Variants in DIXDC1 observed in about 807,000 individuals in gnomAD.
DIXDC1 encodes DIX domain containing 1.
A neutral mutation model predicts 103.1 loss-of-function variants in DIXDC1; 64 were observed. The ratio of observed to expected loss-of-function variants is 0.62; its 90% confidence interval spans 0.51 to 0.76. The LOEUF (loss-of-function observed/expected upper bound fraction) is 0.76, where lower values mean the gene tolerates loss of function less well. Ranked by LOEUF, DIXDC1 falls within the 30% of genes least tolerant of loss-of-function variation. The pLI is 0.00. For missense variants in DIXDC1, 759 were observed against 834.2 expected (o/e 0.91, Z 1.11); for synonymous variants, 266 against 298.5 (o/e 0.89, Z 1.12).
chr11:111,993,871 C>A, intron 14 of DIXDC1, 131 bp downstream of exon 14: 1 of 1,017,204 alleles, frequency 9.8e-7, no homozygotes, highest in Non-Finnish European at 1.4e-6. Flanking sequence ...GTTAAAAGTG[C>A]AGGTTCCAGA....
At chr11:111,957,092 G>A (rs1859411878) in intron 1 of DIXDC1, among the ~76,000 whole-genome samples, 1 of 152,092 alleles carries the variant, frequency 6.6e-6, no homozygotes, top group Non-Finnish European at 1.5e-5. Flanking sequence ...AGGATTGCTT[G>A]AGCCCAGGAA....
At chr11:111,959,104 C>T (rs1555170819) in intron 1 of DIXDC1, among the ~76,000 whole-genome samples, 1 of 152,232 alleles carries the variant, frequency 6.6e-6, no homozygotes, top group Non-Finnish European at 1.5e-5. Context: ...ATACCTCATT[C>T]TTCCTGGATG....
At chr11:112,014,539 C>T (rs1054894431) in intron 17 of DIXDC1, among the ~76,000 whole-genome samples, 26 of 152,294 alleles carry the variant, frequency 1.7e-4, no homozygotes, top group Non-Finnish European at 2.6e-4. Flanking sequence ...CAACCATGGG[C>T]CCTTCCTGAC....
At chr11:112,001,726 CT>C (rs1861070433) in intron 17 of DIXDC1, among the ~76,000 whole-genome samples, 1 of 150,924 alleles carries the variant, frequency 6.6e-6, no homozygotes, top group South Asian at 2.1e-4. Context: ...GATGGGGCCA[CT>C]ATACAACAGA....
intron 12 of DIXDC1, 125 bp downstream of exon 12, chr11:111,993,129 T>A: frequency 1.8e-6 from 2 of 1,110,558 alleles, no homozygotes; most frequent in South Asian, 3.2e-5. Context: ...ATCCTTGCTT[T>A]TTAGAAGGAA....
chr11:111,956,066 A>G (rs782387988), intron 1 of DIXDC1, among the ~76,000 whole-genome samples: 4 of 151,950 alleles, frequency 2.6e-5, no homozygotes, highest in Non-Finnish European at 4.4e-5. Context: ...AAATCTTGTC[A>G]CATGCTACAA....
intron 17 of DIXDC1, among the ~76,000 whole-genome samples, chr11:112,013,855 C>T (rs1000301884): frequency 3.9e-5 from 6 of 152,212 alleles, no homozygotes; most frequent in Middle Eastern, 3.4e-3. Context: ...GCTCACAATT[C>T]GGCTGGCTGG....
intron 1 of DIXDC1, among the ~76,000 whole-genome samples, chr11:111,940,426 C>T (rs1966380433): frequency 6.6e-6 from 1 of 152,176 alleles, no homozygotes; most frequent in South Asian, 2.1e-4. Context: ...ATCACAATCT[C>T]CCCAATCTGC....
At chr11:111,937,681 C>A in intron 1 of DIXDC1, 122 bp downstream of exon 1, 1 of 992,672 alleles carries the variant, frequency 1.0e-6, no homozygotes, top group Non-Finnish European at 1.5e-6. Context: ...GCCCCCAGAA[C>A]CCCAAAGGGG....
upstream of DIXDC1, chr11:111,937,136 G>GGGC (rs1966224263): frequency 1.4e-6 from 1 of 730,662 alleles, no homozygotes; most frequent in African/African-American, 2.0e-5. Context: ...CCGGGCGGGG[G>GGGC]GGGGGTGTGC....
intron 10 of DIXDC1, among the ~76,000 whole-genome samples, chr11:111,992,090 A>G (rs1298878204): frequency 2.6e-5 from 4 of 152,352 alleles, no homozygotes; most frequent in African/African-American, 4.8e-5. Context: ...ATCTACGTCT[A>G]TCTGATCCCA....
At position 112,019,583 on chromosome 11, in the gene DIXDC1, C is replaced by T. The variant is rs1470450022; in HGVS notation, c.*547C>T. 1.3e-5 allele frequency: 2 copies of T among 152,930 alleles called. No individual in the cohort carries two copies. The highest frequency in any genetic ancestry group is 6.5e-5 in the Admixed American group (1 of 15,306). 9.5% of individuals were successfully genotyped at this position (152,930 alleles called of 1,614,324 possible). A position where few individuals can be genotyped will look rare whatever the true frequency, so the allele number is the denominator to read the frequency against. On this transcript the variant is annotated 3_prime_UTR_variant, in exon 20 of 20. Transcript: ENST00000440460. ...GACTTCAGTAATCTTTTGAACCAGA[C>T]GTGGATGGTGCTGAATTGTTGCTTG...
intron 9 of DIXDC1, 40 bp downstream of exon 9, chr11:111,986,964 A>T (rs1555173938): frequency 1.3e-6 from 2 of 1,506,340 alleles, no homozygotes; most frequent in Non-Finnish European, 1.8e-6. Context: ...TAAAAACATT[A>T]TGGGGGCCAG....
chr11:111,997,075 C>A (rs1555175466), intron 17 of DIXDC1, among the ~76,000 whole-genome samples: 1 of 152,076 alleles, frequency 6.6e-6, no homozygotes, highest in Non-Finnish European at 1.5e-5. Context: ...GTTTTCTTAT[C>A]TTTTAATCAG....
chr11:111,930,031 G>T, intron 2 of DIXDC1: 6 of 955,818 alleles, frequency 6.3e-6, no homozygotes, highest in East Asian at 5.8e-5. Context: ...TAATATATTT[G>T]TCTTTTTTTT....
intron 1 of DIXDC1, among the ~76,000 whole-genome samples, chr11:111,964,051 G>A (rs1405130566): frequency 6.6e-6 from 1 of 152,210 alleles, no homozygotes; most frequent in African/African-American, 2.4e-5. Context: ...AAGCAGCTAT[G>A]GGAGAGGCAG....
intron 3 of DIXDC1, among the ~76,000 whole-genome samples, chr11:111,973,562 A>G (rs1860004630): frequency 6.6e-6 from 1 of 152,202 alleles, no homozygotes; most frequent in Non-Finnish European, 1.5e-5. Flanking sequence ...TAAGTGCTTG[A>G]TAGCTACAGG....
At chr11:111,997,086 G>T (rs934341044) in intron 17 of DIXDC1, among the ~76,000 whole-genome samples, 15 of 151,934 alleles carry the variant, frequency 9.9e-5, no homozygotes, top group African/African-American at 3.6e-4. Context: ...TTTTAATCAG[G>T]CCTAATCAAA....
chr11:111,989,089 G>C (rs782235907), intron 10 of DIXDC1, 34 bp downstream of exon 10: 5 of 1,553,364 alleles, frequency 3.2e-6, no homozygotes, highest in Non-Finnish European at 4.4e-6. Context: ...TTTAAATAAA[G>C]TCTCTGCAAT....
Sources: gnomAD v4.1 joint callset for allele counts (sites outside exome capture counted in the v4.1 genomes callset) on GRCh38, gnomAD v4.1.1 for gene constraint, MANE v1.5 for transcripts, NCBI Gene and HGNC (gene_info 2026-07-23, HGNC 2026-07-21) for gene names.